OXCT1: variants seen among roughly 807,000 people sequenced by gnomAD.
OXCT1 encodes 3-oxoacid CoA-transferase 1, also known as succinyl-CoA:3-ketoacid coenzyme A transferase 1, mitochondrial.
OXCT1 carries 27 observed loss-of-function variants against 69.6 expected under a neutral mutation model. The observed-to-expected ratio is 0.39, with a 90% confidence interval of 0.29 to 0.54. The LOEUF is 0.54. OXCT1 is among the 20% of genes least tolerant of loss of function. The pLI is 0.72. For missense variants in OXCT1, 437 were observed against 650.2 expected (o/e 0.67, Z 3.57); for synonymous variants, 202 against 217.8 (o/e 0.93, Z 0.64).
intron 1 of OXCT1, among the ~76,000 whole-genome samples, chr5:41,864,586 C>T (rs924199040): frequency 6.6e-6 from 1 of 152,188 alleles, no homozygotes; most frequent in Non-Finnish European, 1.5e-5. Flanking sequence ...GAGGATATCT[C>T]CTAGACACAC....
chr5:41,800,127 CT>C (rs1438448265), intron 11 of OXCT1, among the ~76,000 whole-genome samples: 1 of 152,100 alleles, frequency 6.6e-6, no homozygotes, highest in Admixed American at 6.6e-5. Flanking sequence ...CTGACCTGTT[CT>C]TCCTCCTCTA....
chr5:41,732,569 G>A (rs1360104164), intron 16 of OXCT1, among the ~76,000 whole-genome samples: 1 of 152,152 alleles, frequency 6.6e-6, no homozygotes, highest in Non-Finnish European at 1.5e-5. Flanking sequence ...TATTGATTGG[G>A]TTCTAGTTAG....
intron 7 of OXCT1, among the ~76,000 whole-genome samples, chr5:41,821,937 A>T (rs1367356179): frequency 6.6e-6 from 1 of 152,090 alleles, no homozygotes; most frequent in Non-Finnish European, 1.5e-5. Flanking sequence ...TTTAATTTTA[A>T]CGAAGTCCAA....
At chr5:41,764,211 C>T (rs1384991157) in intron 13 of OXCT1, among the ~76,000 whole-genome samples, 1 of 152,118 alleles carries the variant, frequency 6.6e-6, no homozygotes, top group African/African-American at 2.4e-5. Flanking sequence ...AGATGCAGAA[C>T]ACCTGAGATC....
At chr5:41,794,233 G>C (rs1746069370) in intron 12 of OXCT1, 155 bp from the exon 13 acceptor site, 2 of 673,658 alleles carry the variant, frequency 3.0e-6, no homozygotes, top group Non-Finnish European at 5.4e-6. Flanking sequence ...CATGCTGACA[G>C]AGAAATAATC....
intron 5 of OXCT1, among the ~76,000 whole-genome samples, chr5:41,846,794 T>C (rs575266439): frequency 0.011 from 1,702 of 152,318 alleles, 29 homozygotes; most frequent in Middle Eastern, 0.034. Context: ...CCAGCACTTG[T>C]TGTTTCCTGA....
Position 41,762,287 on chromosome 5 carries a change from G to A in OXCT1, c.1249-87C>T. On this transcript the variant is annotated intron_variant, in intron 13 of 16. Transcript: ENST00000196371. This position sits in a 1 kb window ranked among gnomAD's most constrained non-coding sequence, Gnocchi z 4.0. ...ATTAACTTGCAAAAATAAGCTACTA[G>A]AATCATTAAAAACTCATTGTCCTTC... 2 of 1,037,320 alleles carry A rather than the reference G, an allele frequency of 1.9e-6. No individual in the cohort carries two copies. The highest frequency in any genetic ancestry group is 3.1e-6 in the Non-Finnish European group (2 of 654,040). The allele number at this position is 1,037,320 out of a possible 1,614,324, so 64.3% of individuals were successfully genotyped here.
intron 15 of OXCT1, among the ~76,000 whole-genome samples, chr5:41,745,172 T>TAA (rs942962533): frequency 3.5e-4 from 52 of 146,674 alleles, no homozygotes; most frequent in African/African-American, 1.3e-3. Flanking sequence ...TCAGCAAATG[T>TAA]AAAAAAAAAA....
At position 41,851,715 on chromosome 5, in the gene OXCT1, TA is replaced by T. The variant is rs577867476; in HGVS notation, c.415-1537del. On this transcript the variant is annotated intron_variant, in intron 4 of 16. Transcript: ENST00000196371. ...CCTCTCTTAGCCTGAGGAAAAACTG[TA>T]AAAAAAAAAATGATATATTAATGAT... 8.3e-4 allele frequency among the ~76,000 whole-genome samples: 120 copies of T among 144,908 alleles called. 1 individual carries two copies. The highest frequency in any genetic ancestry group is 1.7e-3 in the African/African-American group (68 of 39,634).
chr5:41,843,937 C>T (rs374400437), intron 5 of OXCT1, among the ~76,000 whole-genome samples: 2 of 152,070 alleles, frequency 1.3e-5, no homozygotes, highest in East Asian at 3.9e-4. Flanking sequence ...TATTTCTGAG[C>T]CACATATCAA....
chr5:41,868,762 T>A (rs891148246), intron 1 of OXCT1, among the ~76,000 whole-genome samples: 1 of 150,752 alleles, frequency 6.6e-6, no homozygotes, highest in African/African-American at 2.4e-5. Flanking sequence ...AGCCACAAGC[T>A]AGGGGAATAG....
At position 41,731,737 on chromosome 5, in the gene OXCT1, C is replaced by G; in HGVS notation, c.1555G>C (p.Ala519Pro). 1 of 1,608,412 alleles carries G rather than the reference C, an allele frequency of 6.2e-7. No individual in the cohort carries two copies. The change falls in exon 17 of 17, where the codon GCA becomes CCA. Residue 519 changes from alanine (A) to proline (P), a missense_variant. Ala to Pro is a conservative substitution (Grantham distance 27). Around this residue, in one of 4 missense-constraint regions of OXCT1, gnomAD observed 102 missense variants for 162.1 expected, o/e 0.63. Transcript: ENST00000196371. ...SPKLMPMQQIAN is the reference protein window; with the variant it reads ...SPKLMPMQQIPN ...GTACAAATATCCATATTTCAATTTG[C>G]GATCTGCTGCATTGGCATGAGTTTT...
At chr5:41,771,686 G>A (rs536651022) in intron 13 of OXCT1, among the ~76,000 whole-genome samples, 22 of 152,272 alleles carry the variant, frequency 1.4e-4, no homozygotes, top group Non-Finnish European at 2.6e-4. Context: ...GCATGACCAA[G>A]TGTTTCAGGA....
At chr5:41,731,867 C>A in intron 16 of OXCT1, 97 bp from the exon 17 acceptor site, 1 of 1,394,222 alleles carries the variant, frequency 7.2e-7, no homozygotes, top group Non-Finnish European at 9.9e-7. Flanking sequence ...AGGCAACAAG[C>A]AGCCTTGCCA....
chr5:41,810,748 G>GTA (rs1746938430), intron 7 of OXCT1, among the ~76,000 whole-genome samples: 1 of 151,926 alleles, frequency 6.6e-6, no homozygotes, highest in Non-Finnish European at 1.5e-5. Context: ...TATATCTCAG[G>GTA]TAAGAGAAAA....
chr5:41,857,252 T>C (rs1429233820), intron 3 of OXCT1, among the ~76,000 whole-genome samples: 1 of 152,152 alleles, frequency 6.6e-6, no homozygotes, highest in Non-Finnish European at 1.5e-5. Context: ...AGTCAGAACA[T>C]ATCACTGCTC....
intron 16 of OXCT1, among the ~76,000 whole-genome samples, chr5:41,735,673 C>T (rs377721633): frequency 2.0e-5 from 3 of 152,192 alleles, no homozygotes; most frequent in Non-Finnish European, 2.9e-5. Context: ...CTACCAATAG[C>T]GCTGGGGACA....
intron 3 of OXCT1, among the ~76,000 whole-genome samples, chr5:41,859,663 A>T (rs1471920960): frequency 6.6e-6 from 1 of 151,850 alleles, no homozygotes; most frequent in Admixed American, 6.6e-5. Flanking sequence ...AATCCTAGGG[A>T]ATGTCCATAA....
At chr5:41,766,583 A>C (rs1232060673) in intron 13 of OXCT1, among the ~76,000 whole-genome samples, 1 of 144,966 alleles carries the variant, frequency 6.9e-6, no homozygotes, top group Non-Finnish European at 1.5e-5. Flanking sequence ...AAAAAAAAAA[A>C]CAACAACAAC....
Sources: allele counts gnomAD v4.1 joint callset (sites outside exome capture counted in the v4.1 genomes callset), GRCh38; gene constraint gnomAD v4.1.1; regional missense constraint gnomAD v4.1.1; non-coding constraint Gnocchi (gnomAD v3.1); transcripts MANE v1.5; gene names NCBI Gene and HGNC (gene_info 2026-07-23, HGNC 2026-07-21).